NELL2: variants seen among roughly 807,000 people sequenced by gnomAD.
NELL2 encodes the protein neural EGFL like 2, also known as protein kinase C-binding protein NELL2.
A neutral mutation model predicts 109.6 loss-of-function variants in NELL2; 41 were observed. The observed-to-expected ratio is 0.37, with a 90% CI of 0.29 to 0.49. The LOEUF is 0.49. Ranked by LOEUF, NELL2 falls within the 20% of genes least tolerant of loss-of-function variation. NELL2 has a pLI of 0.98. For synonymous variants in NELL2, 355 were observed against 344.7 expected, an observed-to-expected ratio of 1.03 and a Z score of -0.33; for missense variants, 900 against 1,008.3, an observed-to-expected ratio of 0.89 and a Z score of 1.45.
At chr12:44,529,312 CTA>C (rs1941940359) in intron 16 of NELL2, among the ~76,000 whole-genome samples, 1 of 152,198 alleles carries the variant, frequency 6.6e-6, no homozygotes, top group South Asian at 2.1e-4. Context: ...AACAATGACT[CTA>C]AGATGTAGTT....
chr12:44,520,868 A>G (rs1941493717), intron 18 of NELL2, among the ~76,000 whole-genome samples: 1 of 152,164 alleles, frequency 6.6e-6, no homozygotes, highest in Non-Finnish European at 1.5e-5. Context: ...TCTGAATCTC[A>G]TGGTTTGGGA....
intron 3 of NELL2, among the ~76,000 whole-genome samples, chr12:44,799,448 A>T (rs1192812692): frequency 2.6e-5 from 4 of 152,098 alleles, no homozygotes; most frequent in Non-Finnish European, 5.9e-5. Flanking sequence ...ATTTGAAAAA[A>T]ATAAAGAAGT....
At chr12:44,910,564 T>C (rs571551715) in intron 1 of NELL2, among the ~76,000 whole-genome samples, 1 of 151,978 alleles carries the variant, frequency 6.6e-6, no homozygotes, top group African/African-American at 2.4e-5. Context: ...TCCCAAAGAA[T>C]CTAAAACAGA....
At chr12:44,733,142 C>A (rs1597498) in intron 9 of NELL2, among the ~76,000 whole-genome samples, 1 of 151,836 alleles carries the variant, frequency 6.6e-6, no homozygotes, top group Non-Finnish European at 1.5e-5. Context: ...CAGAAAACAG[C>A]ATAGAGGTTC....
intron 9 of NELL2, among the ~76,000 whole-genome samples, chr12:44,740,485 C>A (rs1464981504): frequency 6.6e-6 from 1 of 152,114 alleles, no homozygotes; most frequent in African/African-American, 2.4e-5. Flanking sequence ...CAGTTTGCAT[C>A]AAAGTTTGCT....
At chr12:44,714,804 A>G (rs984686851) in intron 9 of NELL2, 63 bp from the exon 10 acceptor site, 1 of 1,052,438 alleles carries the variant, frequency 9.5e-7, no homozygotes, top group East Asian at 2.7e-5. Flanking sequence ...AAGGGATCAG[A>G]TCATCTTGTA....
chr12:44,835,852 A>C (rs1229907866), intron 2 of NELL2, among the ~76,000 whole-genome samples: 1 of 152,248 alleles, frequency 6.6e-6, no homozygotes, highest in Non-Finnish European at 1.5e-5. Flanking sequence ...AGGAAGCCAG[A>C]CATTCAGTGT....
intron 9 of NELL2, among the ~76,000 whole-genome samples, chr12:44,728,026 TCACA>T (rs375301619): frequency 1.3e-5 from 2 of 150,110 alleles, no homozygotes; most frequent in Non-Finnish European, 3.0e-5. Context: ...ATACTCTCAC[TCACA>T]CACACACACA....
intron 19 of NELL2, among the ~76,000 whole-genome samples, chr12:44,509,310 C>A (rs957361553): frequency 6.6e-6 from 1 of 152,160 alleles, no homozygotes; most frequent in Non-Finnish European, 1.5e-5. Flanking sequence ...TGGTCACTAA[C>A]CTCACAGAGC....
chr12:44,784,966 C>T (rs1161948622), intron 3 of NELL2, among the ~76,000 whole-genome samples: 7 of 152,022 alleles, frequency 4.6e-5, no homozygotes, highest in African/African-American at 1.4e-4. Context: ...CTTTGAAAAC[C>T]GGCACAAGAC....
rs551594181 is a variant in NELL2 at position 44,868,305 on chromosome 12, G to A, written c.184+6920C>T. On this transcript the variant is annotated intron_variant, in intron 2 of 19. Coordinates refer to ENST00000429094, the MANE Select transcript of NELL2 (RefSeq NM_001145108.2). ...TGAAGAAGACACAAATAAATGAAAA[G>A]ATATGCTTTGGTCATGGATTCAAAG... is the stretch of plus-strand genomic sequence containing the variant. Among the ~76,000 whole-genome samples the A allele has an allele frequency of 2.0e-5, 3 of 152,164 alleles. No homozygotes were observed. In the South Asian group the frequency reaches 6.2e-4, roughly 32 times the overall value.
intron 15 of NELL2, among the ~76,000 whole-genome samples, chr12:44,606,091 C>T (rs1945391312): frequency 6.6e-6 from 1 of 152,114 alleles, no homozygotes; most frequent in South Asian, 2.1e-4. Context: ...TTGTCCGTCA[C>T]AGACTTTTGA....
At chr12:44,565,805 T>C (rs1418063379) in intron 15 of NELL2, among the ~76,000 whole-genome samples, 1 of 152,188 alleles carries the variant, frequency 6.6e-6, no homozygotes, top group African/African-American at 2.4e-5. Context: ...TGATGATTAT[T>C]GTGAAAGGGA....
chr12:44,674,608 T>C (rs1948247087), intron 12 of NELL2, among the ~76,000 whole-genome samples: 1 of 152,186 alleles, frequency 6.6e-6, no homozygotes, highest in Admixed American at 6.5e-5. Context: ...TGTATTTAAA[T>C]GACCAACAAA....
chr12:44,865,133 T>A, intron 2 of NELL2, among the ~76,000 whole-genome samples: 1 of 122,808 alleles, frequency 8.1e-6, no homozygotes, highest in Non-Finnish European at 1.7e-5. Context: ...ATGATGAGCA[T>A]TTTTTCATGT....
chr12:44,903,651 A>G lies in NELL2; in HGVS notation c.38+10148T>C, dbSNP rs572115711. On this transcript the variant is annotated intron_variant, in intron 1 of 20. Transcript: ENST00000333837. The stretch of plus-strand genomic sequence containing the variant: ...TTGGAACCAACCCAGATGCCCATCA[A>G]TGATAGACTGGATAAGGAAAACGTG... Among the ~76,000 whole-genome samples, 7 of 152,324 alleles carry G rather than the reference A, an allele frequency of 4.6e-5. 1 individual carries two copies. Among genetic ancestry groups the G allele is most frequent in the African/African-American group, 1.7e-4 (7 of 41,580 alleles).
intron 3 of NELL2, among the ~76,000 whole-genome samples, chr12:44,801,946 T>A (rs528745650): frequency 1.3e-5 from 2 of 151,740 alleles, no homozygotes; most frequent in African/African-American, 4.8e-5. Flanking sequence ...GAACTTCTCA[T>A]CACTTTGTCA....
intron 13 of NELL2, among the ~76,000 whole-genome samples, chr12:44,625,185 T>C (rs1946209128): frequency 6.6e-6 from 1 of 151,928 alleles, no homozygotes; most frequent in Non-Finnish European, 1.5e-5. Context: ...ACTGTTTCCT[T>C]AGACTGCTGT....
At chr12:44,878,964 T>A (rs1945381209), upstream of NELL2, among the ~76,000 whole-genome samples, 1 of 152,218 alleles carries the variant, frequency 6.6e-6, no homozygotes. Flanking sequence ...GAATTAAGAT[T>A]GTTAATCAGG....
Sources: gnomAD v4.1 joint callset for allele counts (sites outside exome capture counted in the v4.1 genomes callset) on GRCh38, gnomAD v4.1.1 for gene constraint, MANE v1.5 for transcripts, NCBI Gene and HGNC (gene_info 2026-07-23, HGNC 2026-07-21) for gene names.